CNTNAP5: variants seen among roughly 807,000 people sequenced by gnomAD.
CNTNAP5 encodes the protein contactin associated protein family member 5, also known as contactin-associated protein-like 5.
In CNTNAP5, 72 loss-of-function variants were observed where a neutral mutation model predicts 150.2. The ratio of observed to expected loss-of-function variants is 0.48; its 90% CI spans 0.40 to 0.58. The LOEUF (loss-of-function observed/expected upper bound fraction) is 0.58, where lower values mean the gene tolerates loss of function less well. CNTNAP5 is among the 20% of genes least tolerant of loss of function. The pLI is 0.00. For missense variants in CNTNAP5, 1,636 were observed against 1,626.2 expected, an observed-to-expected ratio of 1.01 and a Z score of -0.10; for synonymous variants, 672 against 619.8, an observed-to-expected ratio of 1.08 and a Z score of -1.25.
chr2:124,866,033 GCAGGTGGATCACAAAGT>G, intron 20 of CNTNAP5, among the ~76,000 whole-genome samples: 1 of 151,984 alleles, frequency 6.6e-6, no homozygotes, highest in Middle Eastern at 3.4e-3. Context: ...GGAGGCTGAG[GCAGGTGGATCACAAAGT>G]CAGGAGTTCG....
chr2:124,683,312 G>A (rs1679112464), intron 13 of CNTNAP5, among the ~76,000 whole-genome samples: 1 of 152,142 alleles, frequency 6.6e-6, no homozygotes, highest in African/African-American at 2.4e-5. Flanking sequence ...GGCATTACAG[G>A]AAACAAGCCA....
At chr2:124,208,773 G>A (rs1243372314) in intron 1 of CNTNAP5, among the ~76,000 whole-genome samples, 2 of 152,104 alleles carry the variant, frequency 1.3e-5, no homozygotes, top group Admixed American at 6.5e-5. Flanking sequence ...AAACATTCTC[G>A]TGTTACAACA....
chr2:124,260,407 A>G (rs1318991893), intron 3 of CNTNAP5, among the ~76,000 whole-genome samples: 1 of 152,258 alleles, frequency 6.6e-6, no homozygotes, highest in Non-Finnish European at 1.5e-5. Context: ...CTAAAACCAT[A>G]AAATCCCTAG....
intron 8 of CNTNAP5, 136 bp from the exon 9 acceptor site, chr2:124,524,167 G>T: frequency 1.4e-6 from 1 of 718,692 alleles, no homozygotes; most frequent in Non-Finnish European, 2.3e-6. Context: ...ATCTTCCAAG[G>T]GCTTGTATCC....
intron 1 of CNTNAP5, among the ~76,000 whole-genome samples, chr2:124,217,295 A>G (rs1399300522): frequency 1.3e-5 from 2 of 152,102 alleles, no homozygotes; most frequent in Non-Finnish European, 2.9e-5. Context: ...TCTTTTCTAC[A>G]TTAAACACTA....
intron 10 of CNTNAP5, among the ~76,000 whole-genome samples, chr2:124,541,764 C>T (rs538131396): frequency 4.0e-4 from 61 of 152,110 alleles, no homozygotes; most frequent in Non-Finnish European, 2.6e-4. Flanking sequence ...AATAGCTGGG[C>T]AAATCCTCAC....
rs1190804094 is a variant in CNTNAP5 at position 124,026,464 on chromosome 2, G to A, written c.82+732G>A. On this transcript the variant is annotated intron_variant, in intron 1 of 23. Transcript: ENST00000682447. The stretch of plus-strand genomic sequence containing the variant: ...CAAGTGTAGGACATTTAATTTAATA[G>A]GCAAGAAGCCTGGGCTCCCGGGGAT... Among the ~76,000 whole-genome samples, 8 of 152,286 alleles carry A rather than the reference G, an allele frequency of 5.3e-5. No homozygotes were observed. The East Asian group carries it at 1.5e-3, about 29-fold the overall frequency.
rs1475239832 is a variant in CNTNAP5 at position 124,598,042 on chromosome 2, C to T, written c.1757-11759C>T. 1.1e-4 allele frequency among the ~76,000 whole-genome samples: 8 copies of T among 75,416 alleles called. 2 individuals carry two copies. The highest frequency in any genetic ancestry group is 3.6e-4 in the Admixed American group (2 of 5,548). 49.5% of individuals were successfully genotyped at this position (75,416 alleles called of 152,430 possible). Reference sequence around the variant, plus strand: ...GTATTGGTTATTCTAGTTATACATTCTTCTAAATTTTTTTCAAAGTTTTCA... The same window carrying T: ...GTATTGGTTATTCTAGTTATACATTTTTCTAAATTTTTTTCAAAGTTTTCA... On this transcript the variant is annotated intron_variant, in intron 11 of 23. Coordinates refer to ENST00000682447, the MANE Select transcript of CNTNAP5 (RefSeq NM_001367498.1).
chr2:124,644,053 C>T (rs1466886623), intron 12 of CNTNAP5, among the ~76,000 whole-genome samples: 1 of 152,262 alleles, frequency 6.6e-6, no homozygotes, highest in East Asian at 1.9e-4. Flanking sequence ...GTCCAACTAA[C>T]TTGACCATCT....
chr2:124,086,692 G>C (rs1682700938), intron 1 of CNTNAP5, among the ~76,000 whole-genome samples: 1 of 151,028 alleles, frequency 6.6e-6, no homozygotes, highest in Non-Finnish European at 1.5e-5. Context: ...CTTAATTTCA[G>C]CCCATTTTGT....
At chr2:124,863,978 C>T (rs576496359) in intron 19 of CNTNAP5, among the ~76,000 whole-genome samples, 2 of 152,132 alleles carry the variant, frequency 1.3e-5, no homozygotes, top group South Asian at 2.1e-4. Context: ...AAGGGAAGAG[C>T]TCCTGCCATT....
At chr2:124,155,171 T>C (rs1558778223) in intron 1 of CNTNAP5, among the ~76,000 whole-genome samples, 1 of 150,836 alleles carries the variant, frequency 6.6e-6, no homozygotes, top group Non-Finnish European at 1.5e-5. Context: ...CCATCAGTCA[T>C]TCAAGCTCTG....
chr2:124,261,269 T>TC (rs1317740200), intron 3 of CNTNAP5, among the ~76,000 whole-genome samples: 1 of 152,072 alleles, frequency 6.6e-6, no homozygotes, highest in African/African-American at 2.4e-5. Flanking sequence ...ATAAATATCC[T>TC]CCCTACATAA....
At chr2:124,813,775 C>T (rs1312550853) in intron 19 of CNTNAP5, among the ~76,000 whole-genome samples, 1 of 151,892 alleles carries the variant, frequency 6.6e-6, no homozygotes, top group Non-Finnish European at 1.5e-5. Flanking sequence ...CTCTGGAGTC[C>T]ATCAAACACC....
intron 1 of CNTNAP5, among the ~76,000 whole-genome samples, chr2:124,071,379 G>T (rs185021158): frequency 2.1e-4 from 32 of 151,702 alleles, no homozygotes; most frequent in African/African-American, 6.5e-4. Context: ...AAATTAAAAT[G>T]AAAACAATGC....
chr2:124,417,750 A>T (rs1245641837), intron 4 of CNTNAP5, among the ~76,000 whole-genome samples, 160 bp downstream of exon 4: 1 of 152,236 alleles, frequency 6.6e-6, no homozygotes, highest in Non-Finnish European at 1.5e-5. Flanking sequence ...CCCAAAGTAG[A>T]AAAAACATTC....
Position 124,614,083 on chromosome 2 carries a change from A to G in CNTNAP5, c.1876+4163A>G, listed in dbSNP as rs574827714. Among the ~76,000 whole-genome samples, 8 of 152,338 alleles carry G rather than the reference A, an allele frequency of 5.3e-5. No individual in the cohort carries two copies. The South Asian group carries it at 1.7e-3, about 32-fold the overall frequency. On this transcript the variant is annotated intron_variant, in intron 12 of 23. Transcript: ENST00000682447. ...TAACAATTTTTTTAAGTGATTTACAATAAGGTTCAGCCAATATAATTTTAC... is the reference window on the plus strand; with the variant it reads ...TAACAATTTTTTTAAGTGATTTACAGTAAGGTTCAGCCAATATAATTTTAC...
In CNTNAP5 at chr2:124,222,458, A is replaced by G. The variant is rs540970221; in HGVS notation, c.187+649A>G. 2.6e-5 allele frequency among the ~76,000 whole-genome samples: 4 copies of G among 152,238 alleles called. No individual in the cohort carries two copies. The South Asian group carries it at 8.3e-4, about 32-fold the overall frequency. On this transcript the variant is annotated intron_variant, in intron 2 of 23. Coordinates refer to ENST00000682447, the MANE Select transcript of CNTNAP5 (RefSeq NM_001367498.1). Reference sequence around the variant, plus strand: ...TTTTCTAATGCATAGATACATAGGTAGATAAATACTGCAAAAGAGATTTGA... The same window carrying G: ...TTTTCTAATGCATAGATACATAGGTGGATAAATACTGCAAAAGAGATTTGA...
intron 21 of CNTNAP5, among the ~76,000 whole-genome samples, chr2:124,893,884 T>C (rs1328752268): frequency 6.6e-6 from 1 of 152,116 alleles, no homozygotes; most frequent in Non-Finnish European, 1.5e-5. Context: ...AACTGACTTT[T>C]AAATTGTAAA....
Sources: gnomAD v4.1 joint callset for allele counts (sites outside exome capture counted in the v4.1 genomes callset) on GRCh38, gnomAD v4.1.1 for gene constraint, MANE v1.5 for transcripts, NCBI Gene and HGNC (gene_info 2026-07-23, HGNC 2026-07-21) for gene names.